The following TPD52L1 variants were observed in gnomAD, a reference collection of about 807,000 sequenced individuals.
TPD52L1 encodes TPD52 like 1.
A neutral mutation model predicts 28.7 loss-of-function variants in TPD52L1; 18 were observed. That is an observed-to-expected ratio of 0.63 (90% CI 0.43 to 0.93). The LOEUF is 0.93. Ranked by LOEUF, TPD52L1 falls within the 40% of genes least tolerant of loss-of-function variation. The probability of loss-of-function intolerance (pLI) is 0.00; values close to 1 mark genes in which losing one functional copy is unlikely to be tolerated. For missense variants in TPD52L1, 203 were observed against 254.8 expected (o/e 0.80, Z 1.39); for synonymous variants, 75 against 88.8 (o/e 0.84, Z 0.88).
Position 125,172,099 on chromosome 6 carries a change from C to CCTTTCTTT in TPD52L1, c.19+18182_19+18189dup, listed in dbSNP as rs549747240. The stretch of plus-strand genomic sequence containing the variant: ...TTCTTTCTCTTTCTTTCTTTCTTTC[C>CCTTTCTTT]CTTTCTTTCTTTCTTTCTTTCTTTC... On this transcript the variant is annotated intron_variant, in intron 1 of 6. Coordinates refer to ENST00000534000, the MANE Select transcript of TPD52L1 (RefSeq NM_003287.4). Among the ~76,000 whole-genome samples, 193 of 76,162 alleles carry CCTTTCTTT rather than the reference C, an allele frequency of 2.5e-3. 2 individuals are homozygous for CCTTTCTTT. The highest frequency in any genetic ancestry group is 4.9e-3 in the Admixed American group (34 of 6,950). The allele number at this position is 76,162 out of a possible 152,430, so 50.0% of individuals were successfully genotyped here.
chr6:125,216,236 G>A (rs1008116047), intron 1 of TPD52L1, among the ~76,000 whole-genome samples: 3 of 152,002 alleles, frequency 2.0e-5, no homozygotes, highest in Non-Finnish European at 4.4e-5. Flanking sequence ...CATAAAACTG[G>A]TACAGCCTCT....
At chr6:125,214,113 G>A (rs1465947900) in intron 1 of TPD52L1, among the ~76,000 whole-genome samples, 2 of 152,186 alleles carry the variant, frequency 1.3e-5, no homozygotes, top group Non-Finnish European at 2.9e-5. Flanking sequence ...GATGCAGCCT[G>A]GCAGGGAGGG....
chr6:125,216,001 G>A (rs551957334), intron 1 of TPD52L1, among the ~76,000 whole-genome samples: 1 of 152,298 alleles, frequency 6.6e-6, no homozygotes, highest in South Asian at 2.1e-4. Flanking sequence ...GTGTGTTGCA[G>A]TACCCCCAGG....
intron 1 of TPD52L1, among the ~76,000 whole-genome samples, chr6:125,190,781 T>A (rs190349075): frequency 6.6e-6 from 1 of 152,252 alleles, no homozygotes; most frequent in Admixed American, 6.5e-5. Flanking sequence ...GAGAATCAAA[T>A]GCTGCCACTG....
chr6:125,246,484 C>G (rs896586642), intron 3 of TPD52L1, among the ~76,000 whole-genome samples: 26 of 152,174 alleles, frequency 1.7e-4, no homozygotes, highest in African/African-American at 6.3e-4. Flanking sequence ...AGCCCTGTCT[C>G]CTATCTGCCA....
At chr6:125,262,016 A>AAGTAAATATG (rs1378839872) in intron 6 of TPD52L1, 2 of 152,220 alleles carry the variant, frequency 1.3e-5, no homozygotes, top group African/African-American at 4.8e-5. Context: ...GCAGAAGGGG[A>AAGTAAATATG]AGTAAATATG....
At chr6:125,239,419 G>A (rs960931654) in intron 3 of TPD52L1, among the ~76,000 whole-genome samples, 24 of 152,184 alleles carry the variant, frequency 1.6e-4, no homozygotes, top group African/African-American at 5.8e-4. Context: ...GGCAGAAGGT[G>A]GAAGGCACAT....
At chr6:125,252,160 A>G in intron 4 of TPD52L1, 1 of 1,122,868 alleles carries the variant, frequency 8.9e-7, no homozygotes, top group Non-Finnish European at 1.3e-6. Flanking sequence ...TTTTCCAGAC[A>G]GTTCCCGTGA....
intron 1 of TPD52L1, among the ~76,000 whole-genome samples, chr6:125,206,788 G>A (rs771808293): frequency 6.6e-6 from 1 of 152,162 alleles, no homozygotes; most frequent in African/African-American, 2.4e-5. Flanking sequence ...ATTCAGTGTT[G>A]TGTAGATTGG....
At chr6:125,206,238 C>T (rs1794125942) in intron 1 of TPD52L1, among the ~76,000 whole-genome samples, 1 of 152,054 alleles carries the variant, frequency 6.6e-6, no homozygotes, top group Admixed American at 6.6e-5. Flanking sequence ...AGGACGATGT[C>T]TGAAATATTT....
chr6:125,215,671 A>G (rs1332106220), intron 1 of TPD52L1, among the ~76,000 whole-genome samples: 1 of 152,120 alleles, frequency 6.6e-6, no homozygotes, highest in Non-Finnish European at 1.5e-5. Flanking sequence ...CTCACTTTGT[A>G]AGGTTTATGC....
intron 3 of TPD52L1, among the ~76,000 whole-genome samples, chr6:125,247,690 A>G (rs753260173): frequency 1.3e-5 from 2 of 152,234 alleles, no homozygotes; most frequent in Non-Finnish European, 2.9e-5. Context: ...CTAGTATGAC[A>G]TAGGCTTATC....
chr6:125,201,033 C>A (rs562065930), intron 1 of TPD52L1, among the ~76,000 whole-genome samples: 1 of 152,166 alleles, frequency 6.6e-6, no homozygotes, highest in African/African-American at 2.4e-5. Flanking sequence ...TTATAGGCAG[C>A]GTTTCTTTTT....
At chr6:125,259,553 A>T (rs1201480654) in intron 6 of TPD52L1, among the ~76,000 whole-genome samples, 4 of 152,232 alleles carry the variant, frequency 2.6e-5, no homozygotes, top group African/African-American at 4.8e-5. Context: ...ATGCAGAACG[A>T]ACTCCTGTGA....
At chr6:125,177,388 CAGCA>C (rs1305676047) in intron 1 of TPD52L1, among the ~76,000 whole-genome samples, 1 of 152,162 alleles carries the variant, frequency 6.6e-6, no homozygotes, top group Non-Finnish European at 1.5e-5. Flanking sequence ...TCAACTCTCA[CAGCA>C]TTTTTAATCT....
intron 2 of TPD52L1, among the ~76,000 whole-genome samples, chr6:125,222,793 A>G (rs1361436419): frequency 6.6e-6 from 1 of 152,128 alleles, no homozygotes; most frequent in African/African-American, 2.4e-5. Context: ...ACCAGAGAAG[A>G]CCTCTTTTAT....
chr6:125,242,382 T>C (rs1319058444), intron 3 of TPD52L1, among the ~76,000 whole-genome samples: 1 of 152,032 alleles, frequency 6.6e-6, no homozygotes, highest in African/African-American at 2.4e-5. Context: ...AGTGCTGTCA[T>C]TGTAGTATTA....
chr6:125,241,140 A>G (rs969036186), intron 3 of TPD52L1, among the ~76,000 whole-genome samples: 32 of 152,062 alleles, frequency 2.1e-4, no homozygotes, highest in African/African-American at 7.5e-4. Flanking sequence ...ATTGACTTGC[A>G]TATGTTAAAG....
chr6:125,173,317 G>A (rs1420087432), intron 1 of TPD52L1, among the ~76,000 whole-genome samples: 1 of 152,196 alleles, frequency 6.6e-6, no homozygotes, highest in Non-Finnish European at 1.5e-5. Context: ...CAGGCACACG[G>A]TCCAAGGAAT....
Sources: allele counts gnomAD v4.1 joint callset (sites outside exome capture counted in the v4.1 genomes callset), GRCh38; gene constraint gnomAD v4.1.1; transcripts MANE v1.5; gene names NCBI Gene and HGNC (gene_info 2026-07-23, HGNC 2026-07-21).